ZNF680: variants seen among roughly 807,000 people sequenced by gnomAD.
ZNF680 encodes the protein zinc finger protein 680.
A neutral mutation model predicts 12.1 loss-of-function variants in ZNF680; 6 were observed. The observed-to-expected ratio is 0.49, with a 90% CI of 0.27 to 0.98. The LOEUF (loss-of-function observed/expected upper bound fraction) is 0.98, where lower values mean the gene tolerates loss of function less well. Ranked by LOEUF, ZNF680 falls within the 50% of genes least tolerant of loss-of-function variation. ZNF680 has a pLI of 0.12. For synonymous variants in ZNF680, 170 were observed against 199.3 expected (o/e 0.85, Z 1.24); for missense variants, 561 against 616.3 (o/e 0.91, Z 0.95).
chr7:64,523,245 TAAC>T (rs1307982916), intron 3 of ZNF680, among the ~76,000 whole-genome samples: 1 of 152,130 alleles, frequency 6.6e-6, no homozygotes, highest in Non-Finnish European at 1.5e-5. Flanking sequence ...GCAACATTAA[TAAC>T]AAAGTTCAGG....
chr7:64,508,894 T>TA, the ZNF680 span, among the ~76,000 whole-genome samples: 5 of 152,200 alleles, frequency 3.3e-5, no homozygotes, highest in African/African-American at 4.8e-5. Flanking sequence ...AATGTAACTT[T>TA]AAAAAATTGC....
chr7:64,517,276 C>T (rs1400520977), downstream of ZNF680, among the ~76,000 whole-genome samples: 1 of 151,954 alleles, frequency 6.6e-6, no homozygotes, highest in East Asian at 1.9e-4. Flanking sequence ...TTACAACTGA[C>T]ATCACAGAAA....
chr7:64,559,286 G>A (rs926066260), intron 1 of ZNF680, among the ~76,000 whole-genome samples: 3 of 152,046 alleles, frequency 2.0e-5, no homozygotes, highest in African/African-American at 7.2e-5. Flanking sequence ...TATTACCGAA[G>A]TCAAGGGCAA....
At chr7:64,499,790 G>A in the ZNF680 span, among the ~76,000 whole-genome samples, 8 of 152,256 alleles carry the variant, frequency 5.3e-5, no homozygotes, top group Admixed American at 3.9e-4. Context: ...CACAGAGGGA[G>A]GTGGAAGGAA....
At chr7:64,516,749 A>T (rs971999760), downstream of ZNF680, among the ~76,000 whole-genome samples, 2 of 152,206 alleles carry the variant, frequency 1.3e-5, no homozygotes, top group Admixed American at 6.5e-5. Context: ...ATTTAAGAAA[A>T]TTGAAATGAT....
Position 64,521,344 on chromosome 7 carries a change from A to C in ZNF680, c.1410T>G (p.Val470=). ...TAGCAAGAGTTGCAGGCCAGTTAAA[A>C]ACATTGCCACATTCATCACATTTGT... ...KSYKCDECGN[V]FNWPATLANH... The change falls in exon 4 of 4, where the codon GTT becomes GTG. Residue 470 remains valine (V), a synonymous_variant. Transcript: ENST00000309683. 1.9e-6 allele frequency: 3 copies of C among 1,613,318 alleles called. No individual in the cohort carries two copies. The South Asian group carries it at 3.3e-5, about 18-fold the overall frequency.
chr7:64,547,592 C>A (rs1042642099), intron 1 of ZNF680, among the ~76,000 whole-genome samples: 1 of 152,098 alleles, frequency 6.6e-6, no homozygotes, highest in East Asian at 1.9e-4. Flanking sequence ...GGATAAAGAG[C>A]CCAGGATTTT....
At chr7:64,507,824 AACACACACACACACACACACACACAC>A in the ZNF680 span, among the ~76,000 whole-genome samples, 1,144 of 136,528 alleles carry the variant, frequency 8.4e-3, 24 homozygotes, top group African/African-American at 0.027. Flanking sequence ...AATTCCAGGA[AACACACACACACACACACACACACAC>A]ACACACACAC....
chr7:64,531,322 G>T (rs572951824), intron 3 of ZNF680, among the ~76,000 whole-genome samples: 3 of 152,026 alleles, frequency 2.0e-5, no homozygotes, highest in Non-Finnish European at 4.4e-5. Context: ...TCAGCCGGGC[G>T]CAGTGACTCA....
chr7:64,525,726 G>A (rs1011164380), intron 3 of ZNF680: 16 of 863,596 alleles, frequency 1.9e-5, no homozygotes, highest in South Asian at 5.3e-5. Flanking sequence ...GATTATGATC[G>A]TTTGTAAATT....
chr7:64,501,182 C>G, the ZNF680 span: 2 of 872,634 alleles, frequency 2.3e-6, no homozygotes, highest in African/African-American at 1.7e-5. Context: ...TTCAGCTCCT[C>G]TCTTGACTTG....
chr7:64,554,202 G>C (rs552087729), intron 1 of ZNF680, among the ~76,000 whole-genome samples: 1 of 147,072 alleles, frequency 6.8e-6, no homozygotes. Context: ...CCGCCGCCCC[G>C]TCTGAGATGT....
At chr7:64,555,359 C>T (rs183361661) in intron 1 of ZNF680, among the ~76,000 whole-genome samples, 3 of 146,698 alleles carry the variant, frequency 2.0e-5, no homozygotes, top group Admixed American at 2.0e-4. Context: ...AAAAAAAACA[C>T]TTGAAGTGAT....
chr7:64,555,825 C>T (rs1201760052), intron 1 of ZNF680, among the ~76,000 whole-genome samples: 2 of 151,388 alleles, frequency 1.3e-5, no homozygotes, highest in African/African-American at 4.8e-5. Flanking sequence ...GAAATGACTA[C>T]CACTGACCCC....
In ZNF680 at chr7:64,521,354, C is replaced by T; in HGVS notation, c.1400G>A (p.Cys467Tyr). Reference sequence around the variant, plus strand: ...TGCAGGCCAGTTAAAAACATTGCCACATTCATCACATTTGTAGGATTTCTC... The same window carrying T: ...TGCAGGCCAGTTAAAAACATTGCCATATTCATCACATTTGTAGGATTTCTC... Reference protein sequence around the residue: ...TGEKSYKCDECGNVFNWPATL... With the variant: ...TGEKSYKCDEYGNVFNWPATL... Residue 467 changes from cysteine (C) to tyrosine (Y), a missense_variant, in exon 4 of 4, where the codon TGT (cysteine) becomes TAT (tyrosine). Coordinates refer to ENST00000309683, the MANE Select transcript of ZNF680 (RefSeq NM_178558.5). 3.1e-6 allele frequency: 5 copies of T among 1,613,516 alleles called. No homozygotes were observed. The East Asian group carries it at 8.9e-5, about 29-fold the overall frequency.
intron 3 of ZNF680, among the ~76,000 whole-genome samples, chr7:64,542,087 A>T (rs9918511): frequency 0.23 from 34,320 of 152,130 alleles, 4,064 homozygotes; most frequent in South Asian, 0.28. Flanking sequence ...AGTCTGTTCC[A>T]AAATATAATG....
In ZNF680 at chr7:64,557,000, G is replaced by C. The variant is rs75860939; in HGVS notation, c.30+5925C>G. On this transcript the variant is annotated intron_variant, in intron 1 of 3. Coordinates refer to ENST00000309683, the MANE Select transcript of ZNF680 (RefSeq NM_178558.5). Reference sequence around the variant, plus strand: ...GTACAGTGGCTCACGCCTGTAATCCGAGCACTTTGGGAGGCCAAGGCGGGC... The same window carrying C: ...GTACAGTGGCTCACGCCTGTAATCCCAGCACTTTGGGAGGCCAAGGCGGGC... Among the ~76,000 whole-genome samples, 11 of 152,212 alleles carry C rather than the reference G, an allele frequency of 7.2e-5. No individual in the cohort carries two copies. In the East Asian group the frequency reaches 7.7e-4, roughly 11 times the overall value.
At chr7:64,502,714 A>G in the ZNF680 span, among the ~76,000 whole-genome samples, 1 of 152,222 alleles carries the variant, frequency 6.6e-6, no homozygotes, top group Non-Finnish European at 1.5e-5. Context: ...TGTCTTCCCT[A>G]CATTTCCTAC....
intron 3 of ZNF680, among the ~76,000 whole-genome samples, chr7:64,528,839 G>A (rs1211351031): frequency 6.6e-6 from 1 of 152,090 alleles, no homozygotes; most frequent in African/African-American, 2.4e-5. Context: ...TCTCTGGAAA[G>A]CACCACTTCC....
Sources: allele counts gnomAD v4.1 joint callset (sites outside exome capture counted in the v4.1 genomes callset), GRCh38; gene constraint gnomAD v4.1.1; transcripts MANE v1.5; gene names NCBI Gene and HGNC (gene_info 2026-07-23, HGNC 2026-07-21).